Variants in OR1L6 observed in about 807,000 individuals in gnomAD.
OR1L6 encodes olfactory receptor family 1 subfamily L member 6.
In OR1L6, 2 loss-of-function variants were observed where a neutral mutation model predicts 3.0. That is an observed-to-expected ratio of 0.68 (90% CI 0.28 to 2.13). The LOEUF (loss-of-function observed/expected upper bound fraction) is 2.13. OR1L6 is among the 30% of genes most tolerant of loss of function. The probability of loss-of-function intolerance (pLI) is 0.14; values close to 1 mark genes in which losing one functional copy is unlikely to be tolerated. For synonymous variants in OR1L6, 121 were observed against 148.4 expected, an observed-to-expected ratio of 0.82 and a Z score of 1.34; for missense variants, 304 against 378.4, an observed-to-expected ratio of 0.80 and a Z score of 1.63.
chr9:122,748,240 G>A (rs1180940569), intron 1 of OR1L6, among the ~76,000 whole-genome samples: 2 of 152,044 alleles, frequency 1.3e-5, no homozygotes, highest in Non-Finnish European at 2.9e-5. Flanking sequence ...AAGGAGCATT[G>A]ATTAATTCTG....
intron 1 of OR1L6, among the ~76,000 whole-genome samples, chr9:122,749,579 A>G (rs1588015274): frequency 6.6e-6 from 1 of 152,130 alleles, no homozygotes; most frequent in Non-Finnish European, 1.5e-5. Context: ...GTGGTGGCGG[A>G]TGCCTGTAGT....
chr9:122,749,565 G>A (rs1014699595), intron 1 of OR1L6, among the ~76,000 whole-genome samples: 12 of 152,048 alleles, frequency 7.9e-5, no homozygotes, highest in African/African-American at 2.2e-4. Context: ...AAAATTAGCC[G>A]GGCGTGGTGG....
rs766192766 is a variant in OR1L6, at chr9:122,750,626, A to G, written c.779A>G (p.Tyr260Cys). Residue 260 changes from tyrosine (Y) to cysteine (C), a missense_variant, in exon 2 of 2, where the codon TAT becomes TGT. Physicochemically the swap from Tyr to Cys is radical, Grantham distance 194. This residue lies in a region of OR1L6 where 91 missense variants were observed against 87.8 expected (regional missense o/e 1.04). Coordinates refer to ENST00000304720, the MANE Select transcript of OR1L6 (RefSeq NM_001004453.3). Reference protein sequence around the residue: ...ALFYGSIIYVYFRPLSMYSVV... With the variant: ...ALFYGSIIYVCFRPLSMYSVV... ...TTCTATGGGAGTATTATTTATGTCT[A>G]TTTTAGGCCCCTGTCCATGTACTCA... 6.2e-7 allele frequency: 1 copy of G among 1,614,084 alleles called. No homozygotes were observed. Among genetic ancestry groups the G allele is most frequent in the Non-Finnish European group, 8.5e-7 (1 of 1,180,016 alleles).
In OR1L6 at chr9:122,749,255, T is replaced by G. The variant is rs149018903; in HGVS notation, c.-13-580T>G. Among the ~76,000 whole-genome samples, 216 of 152,358 alleles carry G rather than the reference T, an allele frequency of 1.4e-3. 1 individual carries two copies. Among genetic ancestry groups the G allele is most frequent in the African/African-American group, 4.7e-3 (196 of 41,586 alleles). ...CTATTCTGGCTCTTTGGGTTCCACA[T>G]GAATTTTAGAATCGCTTTTTTCTAA... On this transcript the variant is annotated intron_variant, in intron 1 of 1. Transcript: ENST00000304720.
chr9:122,749,698 A>G (rs775555497), intron 1 of OR1L6, 137 bp from the exon 2 acceptor site: 1 of 836,228 alleles, frequency 1.2e-6, no homozygotes, highest in Non-Finnish European at 2.0e-6. Flanking sequence ...ACAGACCGAG[A>G]CTCCGTCTCA....
At chr9:122,742,944 T>G (rs1564247992) in intron 1 of OR1L6, among the ~76,000 whole-genome samples, 1 of 152,176 alleles carries the variant, frequency 6.6e-6, no homozygotes, top group Non-Finnish European at 1.5e-5. Context: ...TATTGTGAGC[T>G]CCTTGTCTCT....
Position 122,750,173 on chromosome 9 carries a change from G to A in OR1L6, c.326G>A (p.Gly109Glu), listed in dbSNP as rs139376054. The A allele has an allele frequency of 4.8e-5, 77 of 1,613,544 alleles. 1 individual carries two copies. Among genetic ancestry groups the A allele is most frequent in the Non-Finnish European group, 5.8e-5 (68 of 1,179,702 alleles). Reference sequence around the variant, plus strand: ...CAGATGTACTTCTTTATGGCATTTGGGAACACTGACAGCTACCTGCTGGCC... The same window carrying A: ...CAGATGTACTTCTTTATGGCATTTGAGAACACTGACAGCTACCTGCTGGCC... Reference protein sequence around the residue: ...LAQMYFFMAFGNTDSYLLASM... With the variant: ...LAQMYFFMAFENTDSYLLASM... Residue 109 changes from glycine to glutamate, a missense_variant, in exon 2 of 2, where the codon GGG becomes GAG. By Grantham distance (98) the Gly-to-Glu change is moderately conservative (BLOSUM62 -2). Around this residue, in one of 3 missense-constraint regions of OR1L6, gnomAD observed 192 missense variants for 242.7 expected, o/e 0.79. Coordinates refer to ENST00000304720, the MANE Select transcript of OR1L6 (RefSeq NM_001004453.3).
At position 122,749,966 on chromosome 9, in the gene OR1L6, C is replaced by G. The variant is rs73571194; in HGVS notation, c.119C>G (p.Ala40Gly). Residue 40 changes from alanine (A) to glycine (G), a missense_variant, in exon 2 of 2, where the codon GCG becomes GGG. Ala to Gly is a moderately conservative substitution (Grantham distance 60). This residue lies in a region of OR1L6 where 192 missense variants were observed against 242.7 expected (regional missense o/e 0.79). Coordinates refer to ENST00000304720, the MANE Select transcript of OR1L6 (RefSeq NM_001004453.3). The stretch of plus-strand genomic sequence containing the variant: ...TTCCTCATCATGTACCTGCTCGCTG[C>G]GGTGGGGAATGTGCTCATCATCCCG... ...AIFLIMYLLAAVGNVLIIPAI... is the reference protein window; with the variant it reads ...AIFLIMYLLAGVGNVLIIPAI... 1 of 1,614,124 alleles carries G rather than the reference C, an allele frequency of 6.2e-7. No individual in the cohort carries two copies. Among genetic ancestry groups the G allele is most frequent in the East Asian group, 2.2e-5 (1 of 44,874 alleles).
chr9:122,748,690 C>T lies in OR1L6; in HGVS notation c.-13-1145C>T, dbSNP rs113915473. Among the ~76,000 whole-genome samples the T allele has an allele frequency of 1.1e-3, 167 of 152,246 alleles. 1 individual carries two copies. Among genetic ancestry groups the T allele is most frequent in the African/African-American group, 3.9e-3 (162 of 41,540 alleles). ...CATTCATTCCCCTTTTACTCCTGAC[C>T]CCCACTTCTTCTGAGTCTCTATTAT... On this transcript the variant is annotated intron_variant, in intron 1 of 1. Coordinates refer to ENST00000304720, the MANE Select transcript of OR1L6 (RefSeq NM_001004453.3).
At chr9:122,742,802 G>A (rs1056320276) in intron 1 of OR1L6, among the ~76,000 whole-genome samples, 1 of 152,214 alleles carries the variant, frequency 6.6e-6, no homozygotes, top group East Asian at 1.9e-4. Flanking sequence ...TTGTTGTAAA[G>A]ACTAAATGAC....
chr9:122,750,592 G>A lies in OR1L6; in HGVS notation c.745G>A (p.Val249Ile), dbSNP rs1295069887. ...TACCTGTGGCTCCCACCTCACTGCA[G>A]TAGCCCTTTTCTATGGGAGTATTAT... ...FSTCGSHLTA[V>I]ALFYGSIIYV... The change falls in exon 2 of 2, where the codon GTA becomes ATA. Residue 249 changes from valine to isoleucine, a missense_variant. Physicochemically the swap from Val to Ile is conservative, Grantham distance 29 (BLOSUM62 3). Coordinates refer to ENST00000304720, the MANE Select transcript of OR1L6 (RefSeq NM_001004453.3). The A allele has an allele frequency of 6.2e-7, 1 of 1,613,988 alleles. No homozygotes were observed. Among genetic ancestry groups the A allele is most frequent in the Non-Finnish European group, 8.5e-7 (1 of 1,180,042 alleles).
chr9:122,746,650 G>A lies in OR1L6; in HGVS notation c.-13-3185G>A, dbSNP rs367957856. Reference sequence around the variant, plus strand: ...AAGTAAAATTATTGGACAAAGAAGTGCAGATTTTCAGTTCTGATGGAGACT... The same window carrying A: ...AAGTAAAATTATTGGACAAAGAAGTACAGATTTTCAGTTCTGATGGAGACT... On this transcript the variant is annotated intron_variant, in intron 1 of 1. Coordinates refer to ENST00000304720, the MANE Select transcript of OR1L6 (RefSeq NM_001004453.3). 1.4e-4 allele frequency among the ~76,000 whole-genome samples: 22 copies of A among 152,270 alleles called. 2 individuals carry two copies. The highest frequency in any genetic ancestry group is 4.6e-4 in the African/African-American group (19 of 41,556).
rs550097907 is a variant in OR1L6, at chr9:122,749,588, G to C, written c.-13-247G>C. On this transcript the variant is annotated intron_variant, in intron 1 of 1. Coordinates refer to ENST00000304720, the MANE Select transcript of OR1L6 (RefSeq NM_001004453.3). Reference sequence around the variant, plus strand: ...CCGGGCGTGGTGGCGGATGCCTGTAGTCCCAGCTACTCGGGAGGCTGAGGC... The same window carrying C: ...CCGGGCGTGGTGGCGGATGCCTGTACTCCCAGCTACTCGGGAGGCTGAGGC... 18 of 512,624 alleles carry C rather than the reference G, an allele frequency of 3.5e-5. No homozygotes were observed. The South Asian group carries it at 3.9e-4, about 11-fold the overall frequency. 31.8% of individuals were successfully genotyped at this position (512,624 alleles called of 1,614,324 possible). A position where few individuals can be genotyped will look rare whatever the true frequency, so the allele number is the denominator to read the frequency against.
Position 122,742,312 on chromosome 9 carries a change from T to C in OR1L6, c.-75T>C, listed in dbSNP as rs1828799899. 1 of 152,202 alleles carries C rather than the reference T, an allele frequency of 6.6e-6. No individual in the cohort carries two copies. Among genetic ancestry groups the C allele is most frequent in the African/African-American group, 2.4e-5 (1 of 41,442 alleles). The allele number at this position is 152,202 out of a possible 1,614,324, so 9.4% of individuals were successfully genotyped here. A position where few individuals can be genotyped will look rare whatever the true frequency, so the allele number is the denominator to read the frequency against. On this transcript the variant is annotated 5_prime_UTR_variant, in exon 1 of 2. Coordinates refer to ENST00000304720, the MANE Select transcript of OR1L6 (RefSeq NM_001004453.3). ...CCTTCAGAGATTCAGAGCCTGATCT[T>C]AACCCCATGGCAGATCCCGAAGTCT...
chr9:122,750,407 A>T lies in OR1L6; in HGVS notation c.560A>T (p.Lys187Met), dbSNP rs1346684169. 1.9e-6 allele frequency: 3 copies of T among 1,609,186 alleles called. No homozygotes were observed. The African/African-American group carries it at 4.1e-5, about 22-fold the overall frequency. ...HFFCDTQPVL[K>M]LSCSDTSSSQ... is the part of the protein sequence containing the mutation. ...TTCTGTGACACCCAGCCTGTGCTAA[A>T]GCTCTCCTGCTCTGACACATCCTCC... is the stretch of plus-strand genomic sequence containing the variant. Residue 187 changes from lysine (K) to methionine (M), a missense_variant, in exon 2 of 2, where the codon AAG (lysine) becomes ATG (methionine). Lys to Met is a moderately conservative substitution (Grantham distance 95). This residue lies in a region of OR1L6 where 192 missense variants were observed against 242.7 expected (regional missense o/e 0.79). Transcript: ENST00000304720.
At position 122,750,215 on chromosome 9, in the gene OR1L6, G is replaced by C; in HGVS notation, c.368G>C (p.Arg123Pro). 2 of 1,614,002 alleles carry C rather than the reference G, an allele frequency of 1.2e-6. No homozygotes were observed. The highest frequency in any genetic ancestry group is 2.2e-5 in the East Asian group (1 of 44,884). ...CTGCTGGCCTCTATGGCCATCGACC[G>C]GCTGGTGGCCATCTGCAACCCCTTA... ...SYLLASMAID[R>P]LVAICNPLHY... Residue 123 changes from arginine (R) to proline (P), a missense_variant, in exon 2 of 2, where the codon CGG becomes CCG. Arg to Pro is a moderately radical substitution (Grantham distance 103, BLOSUM62 -2). Transcript: ENST00000304720.
intron 1 of OR1L6, among the ~76,000 whole-genome samples, chr9:122,743,438 T>A (rs1238422136): frequency 6.6e-6 from 1 of 152,196 alleles, no homozygotes; most frequent in African/African-American, 2.4e-5. Flanking sequence ...GAGGTAAACC[T>A]CTAATTTGAC....
chr9:122,743,445 T>G (rs1209769691), intron 1 of OR1L6, among the ~76,000 whole-genome samples: 1 of 152,156 alleles, frequency 6.6e-6, no homozygotes, highest in East Asian at 1.9e-4. Context: ...ACCTCTAATT[T>G]GACAAAGAAG....
chr9:122,750,384 C>T lies in OR1L6; in HGVS notation c.537C>T (p.Phe179=). Residue 179 remains phenylalanine, a synonymous_variant, in exon 2 of 2, where the codon TTC becomes TTT. Transcript: ENST00000304720. Reference sequence around the variant, plus strand: ...CCTCTCACATCATTAAGCACTTTTTCTGTGACACCCAGCCTGTGCTAAAGC... The same window carrying T: ...CCTCTCACATCATTAAGCACTTTTTTTGTGACACCCAGCCTGTGCTAAAGC... ...FCASHIIKHF[F]CDTQPVLKLS... 1 of 1,612,718 alleles carries T rather than the reference C, an allele frequency of 6.2e-7. No homozygotes were observed. Among genetic ancestry groups the T allele is most frequent in the Non-Finnish European group, 8.5e-7 (1 of 1,179,262 alleles).
Sources: gnomAD v4.1 joint callset for allele counts (sites outside exome capture counted in the v4.1 genomes callset) on GRCh38, gnomAD v4.1.1 for gene constraint, gnomAD v4.1.1 regional missense constraint, MANE v1.5 for transcripts, NCBI Gene and HGNC (gene_info 2026-07-23, HGNC 2026-07-21) for gene names.